CLPB: variants seen among roughly 807,000 people sequenced by gnomAD.
CLPB encodes the protein mitochondrial disaggregase.
CLPB carries 40 observed loss-of-function variants against 78.4 expected under a neutral mutation model. The ratio of observed to expected loss-of-function variants is 0.51; its 90% CI spans 0.40 to 0.66. The LOEUF (loss-of-function observed/expected upper bound fraction) is 0.66. CLPB is among the 30% of genes least tolerant of loss of function. The pLI is 0.00. For missense variants in CLPB, 780 were observed against 886.9 expected (o/e 0.88, Z 1.53); for synonymous variants, 333 against 348.0 (o/e 0.96, Z 0.48).
chr11:72,308,419 C>T, intron 8 of CLPB, 108 bp downstream of exon 8: 1 of 888,822 alleles, frequency 1.1e-6, no homozygotes, highest in Non-Finnish European at 1.9e-6. Flanking sequence ...CTCAAGTTGA[C>T]CTAGAGCTGG....
In CLPB at chr11:72,287,218, T is replaced by C. The variant is rs777879590; in HGVS notation, c.*6149A>G. 17 of 152,222 alleles carry C rather than the reference T, an allele frequency of 1.1e-4. No homozygotes were observed. The highest frequency in any genetic ancestry group is 2.1e-4 in the Non-Finnish European group (14 of 68,032). 9.4% of individuals were successfully genotyped at this position (152,222 alleles called of 1,614,324 possible). A position where few individuals can be genotyped will look rare whatever the true frequency, so the allele number is the denominator to read the frequency against. Reference sequence around the variant, plus strand: ...TATTTTGGGGGTTGAGTGATGGCTATAGGAGTGTGTTTACTTTGTAATCAT... The same window carrying C: ...TATTTTGGGGGTTGAGTGATGGCTACAGGAGTGTGTTTACTTTGTAATCAT... On this transcript the variant is annotated 3_prime_UTR_variant, in exon 16 of 16. Coordinates refer to ENST00000538039, the MANE Select transcript of CLPB (RefSeq NM_001258392.3).
At chr11:72,424,124 T>C (rs1423837362) in intron 2 of CLPB, among the ~76,000 whole-genome samples, 1 of 152,262 alleles carries the variant, frequency 6.6e-6, no homozygotes, top group African/African-American at 2.4e-5. Context: ...TTTTTTCACT[T>C]AGCATATTTT....
chr11:72,307,278 G>T, intron 8 of CLPB, 24 bp from the exon 9 acceptor site: 1 of 1,611,108 alleles, frequency 6.2e-7, no homozygotes, highest in Non-Finnish European at 8.5e-7. Context: ...AGGGGGAGGT[G>T]TTGGGTTAGA....
rs147390709 is a variant in CLPB at position 72,378,238 on chromosome 11, C to A, written c.646+2043G>T. On this transcript the variant is annotated intron_variant, in intron 4 of 15. Coordinates refer to ENST00000538039, the MANE Select transcript of CLPB (RefSeq NM_001258392.3). ...TGTCTACCTGGCCCTGCCCTCTCAA[C>A]AAATGCTCCACCTTGCTTTTTGGTG... Among the ~76,000 whole-genome samples the A allele has an allele frequency of 5.0e-4, 76 of 152,366 alleles. No individual in the cohort carries two copies. In the East Asian group the frequency reaches 0.014, roughly 28 times the overall value.
At chr11:72,389,937 A>G (rs1056277534) in intron 3 of CLPB, among the ~76,000 whole-genome samples, 3 of 152,080 alleles carry the variant, frequency 2.0e-5, no homozygotes, top group Admixed American at 2.0e-4. Flanking sequence ...CCAGCTCAAG[A>G]TTTGGCCTCT....
chr11:72,349,946 A>T (rs927382025), intron 5 of CLPB, among the ~76,000 whole-genome samples: 2 of 152,222 alleles, frequency 1.3e-5, no homozygotes, highest in African/African-American at 4.8e-5. Context: ...CATGCCGGAT[A>T]CCGGCCAGGC....
At chr11:72,420,897 C>T (rs951688510) in intron 2 of CLPB, among the ~76,000 whole-genome samples, 16 of 152,350 alleles carry the variant, frequency 1.1e-4, no homozygotes, top group African/African-American at 3.4e-4. Flanking sequence ...CAGTGGCTCA[C>T]GCCTGTAATC....
At chr11:72,351,861 G>A (rs1013497398) in intron 5 of CLPB, among the ~76,000 whole-genome samples, 3 of 152,044 alleles carry the variant, frequency 2.0e-5, no homozygotes, top group Non-Finnish European at 4.4e-5. Context: ...AAGAGCCACC[G>A]CACCCAGCCT....
intron 7 of CLPB, 107 bp from the exon 8 acceptor site, chr11:72,308,711 G>T: frequency 3.0e-6 from 3 of 1,015,816 alleles, no homozygotes; most frequent in Non-Finnish European, 1.5e-6. Context: ...TTACTGCTCT[G>T]CGCCCACTCA....
At chr11:72,432,354 AT>A (rs1479615582) in intron 1 of CLPB, among the ~76,000 whole-genome samples, 1 of 152,114 alleles carries the variant, frequency 6.6e-6, no homozygotes, top group Admixed American at 6.5e-5. Flanking sequence ...GAGAAGATAC[AT>A]TTCCTGCTCT....
In CLPB at chr11:72,315,114, G is replaced by A. The variant is rs928428750; in HGVS notation, c.988+1992C>T. ...TAGGAAGAGAGTGGAAAGGCCAGGT[G>A]TTTGATCCTTCATTGGCTGTAAGGG... On this transcript the variant is annotated intron_variant, in intron 7 of 15. Transcript: ENST00000538039. Among the ~76,000 whole-genome samples, 4 of 152,008 alleles carry A rather than the reference G, an allele frequency of 2.6e-5. No homozygotes were observed. In the East Asian group the frequency reaches 7.8e-4, roughly 30 times the overall value.
chr11:72,349,775 G>A (rs1246641164), intron 5 of CLPB, among the ~76,000 whole-genome samples: 1 of 152,256 alleles, frequency 6.6e-6, no homozygotes, highest in African/African-American at 2.4e-5. Flanking sequence ...GGCTGGCAAA[G>A]GGCAGCTAGA....
At chr11:72,302,419 G>T in intron 9 of CLPB, 71 bp from the exon 10 acceptor site, 1 of 1,312,884 alleles carries the variant, frequency 7.6e-7, no homozygotes. Flanking sequence ...AGGGAGGAGA[G>T]CACCTCAACT....
At chr11:72,433,339 C>T (rs1424609926) in intron 1 of CLPB, among the ~76,000 whole-genome samples, 1 of 152,080 alleles carries the variant, frequency 6.6e-6, no homozygotes, top group Non-Finnish European at 1.5e-5. Flanking sequence ...GCGGGTGGAT[C>T]AGGAGGTCAA....
chr11:72,424,628 G>A (rs1008116602), intron 2 of CLPB, among the ~76,000 whole-genome samples: 3 of 152,164 alleles, frequency 2.0e-5, no homozygotes, highest in Admixed American at 6.5e-5. Context: ...GGGCGTGGTG[G>A]CTCACGCCTG....
At chr11:72,417,738 G>GGGA (rs1176418063) in intron 2 of CLPB, among the ~76,000 whole-genome samples, 1 of 152,100 alleles carries the variant, frequency 6.6e-6, no homozygotes, top group Non-Finnish European at 1.5e-5. Context: ...AGCTAAAGTG[G>GGGA]GGACCTGAAT....
At chr11:72,300,385 C>CA (rs1299448945) in intron 11 of CLPB, among the ~76,000 whole-genome samples, 3 of 152,194 alleles carry the variant, frequency 2.0e-5, no homozygotes, top group Non-Finnish European at 4.4e-5. Flanking sequence ...TCCAAGAGGG[C>CA]ACATTCGGGT....
At chr11:72,403,440 A>G (rs954935072) in intron 2 of CLPB, among the ~76,000 whole-genome samples, 7 of 152,120 alleles carry the variant, frequency 4.6e-5, no homozygotes, top group African/African-American at 1.4e-4. Context: ...TCCTTTGCCT[A>G]TTTGAATTCT....
intron 4 of CLPB, among the ~76,000 whole-genome samples, chr11:72,368,104 C>A (rs148633363): frequency 6.6e-6 from 1 of 152,274 alleles, no homozygotes; most frequent in Non-Finnish European, 1.5e-5. Context: ...AGGATCACCT[C>A]TAACACTAAC....
Sources: gnomAD v4.1 joint callset for allele counts (sites outside exome capture counted in the v4.1 genomes callset) on GRCh38, gnomAD v4.1.1 for gene constraint, MANE v1.5 for transcripts, NCBI Gene and HGNC (gene_info 2026-07-23, HGNC 2026-07-21) for gene names.